Variants in RCN2 observed in about 807,000 individuals in gnomAD.
RCN2 encodes reticulocalbin 2, also known as reticulocalbin-2.
A neutral mutation model predicts 37.5 loss-of-function variants in RCN2; 23 were observed. The ratio of observed to expected loss-of-function variants is 0.61; its 90% confidence interval spans 0.44 to 0.87. The LOEUF is 0.87. Among genes scored for constraint, RCN2 ranks in the 40% least tolerant of loss-of-function variants. The pLI is 0.00. For synonymous variants in RCN2, 140 were observed against 144.6 expected, an observed-to-expected ratio of 0.97 and a Z score of 0.23; for missense variants, 381 against 390.4, an observed-to-expected ratio of 0.98 and a Z score of 0.20.
rs566502322 is a variant in RCN2, at chr15:76,939,230, A to G, written c.447+3508A>G. 2.3e-3 allele frequency among the ~76,000 whole-genome samples: 276 copies of G among 121,198 alleles called. 2 individuals carry two copies. Among genetic ancestry groups the G allele is most frequent in the Non-Finnish European group, 2.6e-3 (157 of 59,434 alleles). The allele number at this position is 121,198 out of a possible 152,430, so 79.5% of individuals were successfully genotyped here. On this transcript the variant is annotated intron_variant, in intron 3 of 6. Transcript: ENST00000394885. The stretch of plus-strand genomic sequence containing the variant: ...TGGGCAACAGAGAGACCTCATTTCT[A>G]AAAATAAATAAATAAATAAATAAAT...
chr15:76,953,595 T>TATA lies in RCN2; in HGVS notation c.*4373_*4374insATA, dbSNP rs1568463581. 3.2e-4 allele frequency: 7 copies of TATA among 22,006 alleles called. No individual in the cohort carries two copies. Among genetic ancestry groups the TATA allele is most frequent in the African/African-American group, 9.7e-4 (4 of 4,120 alleles). The allele number at this position is 22,006 out of a possible 1,614,324, so 1.4% of individuals were successfully genotyped here. A position where few individuals can be genotyped will look rare whatever the true frequency, so the allele number is the denominator to read the frequency against. On this transcript the variant is annotated 3_prime_UTR_variant, in exon 7 of 7. Coordinates refer to ENST00000394885, the MANE Select transcript of RCN2 (RefSeq NM_002902.3). ...TATATATATATATATATATATATATTTTTTTTTTTTTTTTTTTTTTTTTTT... is the reference window on the plus strand; with the variant it reads ...TATATATATATATATATATATATATTATATTTTTTTTTTTTTTTTTTTTTTTTT...
At position 76,948,569 on chromosome 15, in the gene RCN2, A is replaced by G. The variant is rs1286539998; in HGVS notation, c.801+17A>G. ...CAAGAGGAGGTAAGTGTTACAGAACAACTGTTTCTCTCCACCCCCTCCCCC... is the reference window on the plus strand; with the variant it reads ...CAAGAGGAGGTAAGTGTTACAGAACGACTGTTTCTCTCCACCCCCTCCCCC... On this transcript the variant is annotated intron_variant, in intron 6 of 6. Coordinates refer to ENST00000394885, the MANE Select transcript of RCN2 (RefSeq NM_002902.3). The G allele has an allele frequency of 6.6e-7, 1 of 1,522,428 alleles. No homozygotes were observed. The highest frequency in any genetic ancestry group is 8.9e-7 in the Non-Finnish European group (1 of 1,128,562). 94.3% of individuals were successfully genotyped at this position (1,522,428 alleles called of 1,614,324 possible).
At position 76,949,293 on chromosome 15, in the gene RCN2, A is replaced by T. The variant is rs1023161169; in HGVS notation, c.*71A>T. The T allele has an allele frequency of 1.8e-5, 19 of 1,076,146 alleles. No individual in the cohort carries two copies. Among genetic ancestry groups the T allele is most frequent in the Admixed American group, 2.8e-5 (1 of 36,106 alleles). The allele number at this position is 1,076,146 out of a possible 1,614,324, so 66.7% of individuals were successfully genotyped here. ...TTACCAGCTTTACTTTTGTGATAAA[A>T]TATTGATGTTGTATTTTACACTCTT... On this transcript the variant is annotated 3_prime_UTR_variant, in exon 7 of 7. Coordinates refer to ENST00000394885, the MANE Select transcript of RCN2 (RefSeq NM_002902.3).
At chr15:76,932,906 CATT>C (rs2075230781) in intron 2 of RCN2, among the ~76,000 whole-genome samples, 1 of 152,114 alleles carries the variant, frequency 6.6e-6, no homozygotes, top group African/African-American at 2.4e-5. Flanking sequence ...TTTATTATAA[CATT>C]ATACCAAAAT....
At chr15:76,936,257 GATTT>G (rs1001909121) in intron 3 of RCN2, among the ~76,000 whole-genome samples, 8 of 151,456 alleles carry the variant, frequency 5.3e-5, no homozygotes, top group Admixed American at 5.3e-4. Context: ...GTATAACAAT[GATTT>G]ATTTCTCATT....
chr15:76,943,579 T>C (rs914924027), intron 3 of RCN2, 179 bp from the exon 4 acceptor site: 8 of 472,606 alleles, frequency 1.7e-5, no homozygotes, highest in Non-Finnish European at 3.1e-5. Flanking sequence ...TATATGACTC[T>C]AGAGCTTGTG....
intron 4 of RCN2, among the ~76,000 whole-genome samples, chr15:76,945,658 A>G (rs73457182): frequency 0.01 from 1,540 of 152,318 alleles, 32 homozygotes; most frequent in African/African-American, 0.035. Flanking sequence ...GTTGCATGAC[A>G]TCAGCCTCCA....
intron 3 of RCN2, 129 bp downstream of exon 3, chr15:76,935,851 C>A: frequency 1.6e-6 from 1 of 617,786 alleles, no homozygotes; most frequent in East Asian, 3.1e-5. Context: ...TCACCTGTTC[C>A]ACTTCAGCAG....
intron 3 of RCN2, among the ~76,000 whole-genome samples, chr15:76,936,565 G>T (rs2075249930): frequency 6.6e-6 from 1 of 152,200 alleles, no homozygotes; most frequent in Non-Finnish European, 1.5e-5. Flanking sequence ...GCAGAGCTCA[G>T]ACGGTAATGC....
rs917534604 is a variant in RCN2 at position 76,952,525 on chromosome 15, T to C, written c.*3303T>C. On this transcript the variant is annotated 3_prime_UTR_variant, in exon 7 of 7. Coordinates refer to ENST00000394885, the MANE Select transcript of RCN2 (RefSeq NM_002902.3). Reference sequence around the variant, plus strand: ...GTCAAAATGTGAAACTATTACCACCTTCCATCTCCATGAACTTCATTTGTA... The same window carrying C: ...GTCAAAATGTGAAACTATTACCACCCTCCATCTCCATGAACTTCATTTGTA... The C allele has an allele frequency of 2.0e-5, 3 of 152,224 alleles. No homozygotes were observed. The highest frequency in any genetic ancestry group is 7.2e-5 in the African/African-American group (3 of 41,454). The allele number at this position is 152,224 out of a possible 1,614,324, so 9.4% of individuals were successfully genotyped here.
chr15:76,932,088 GGCGGCCTGACAATGGGGGCCGGGCGGC>G, intron 1 of RCN2, 103 bp downstream of exon 1: 1 of 1,156,312 alleles, frequency 8.6e-7, no homozygotes, highest in Non-Finnish European at 1.1e-6. Context: ...GCCTGGCAGG[GGCGGCCTGACAATGGGGGCCGGGCGGC>G]GCGGCACTCG....
At chr15:76,932,890 A>G (rs1226979562) in intron 2 of RCN2, among the ~76,000 whole-genome samples, 1 of 152,118 alleles carries the variant, frequency 6.6e-6, no homozygotes, top group Non-Finnish European at 1.5e-5. Context: ...TTGCCTGTGA[A>G]TTACGTTTAT....
chr15:76,935,330 A>C (rs1009599253), intron 2 of RCN2, among the ~76,000 whole-genome samples, 196 bp from the exon 3 acceptor site: 1 of 152,234 alleles, frequency 6.6e-6, no homozygotes, highest in Non-Finnish European at 1.5e-5. Flanking sequence ...ATCTCAAAAA[A>C]AAATAATTAA....
intron 3 of RCN2, chr15:76,941,619 T>C (rs982931917): frequency 5.6e-6 from 8 of 1,429,140 alleles, no homozygotes; most frequent in Non-Finnish European, 7.6e-6. Context: ...CTGACCATCT[T>C]TTTTGTTATT....
intron 3 of RCN2, among the ~76,000 whole-genome samples, chr15:76,940,201 GTA>G (rs776121910): frequency 1.8e-4 from 28 of 151,788 alleles, no homozygotes; most frequent in Non-Finnish European, 3.4e-4. Flanking sequence ...CTTCCTGTGT[GTA>G]TGTGTAGTCC....
rs2075318722 is a variant in RCN2, at chr15:76,951,085, G to A, written c.*1863G>A. 6.6e-6 allele frequency: 1 copy of A among 152,216 alleles called. No homozygotes were observed. Among genetic ancestry groups the A allele is most frequent in the Non-Finnish European group, 1.5e-5 (1 of 68,036 alleles). The allele number at this position is 152,216 out of a possible 1,614,324, so 9.4% of individuals were successfully genotyped here. ...CTGGCATATTTGAAATCACCAGTTT[G>A]ACTAGTTAACTATTTGTTTTTCTCT... On this transcript the variant is annotated 3_prime_UTR_variant, in exon 7 of 7. Transcript: ENST00000394885.
intron 3 of RCN2, among the ~76,000 whole-genome samples, chr15:76,941,235 C>T (rs1339837496): frequency 1.3e-5 from 2 of 152,090 alleles, no homozygotes; most frequent in Non-Finnish European, 2.9e-5. Flanking sequence ...CCATGTTGGC[C>T]AGGCTGGTCA....
intron 2 of RCN2, among the ~76,000 whole-genome samples, chr15:76,935,152 G>A (rs201564061): frequency 5.9e-5 from 9 of 152,070 alleles, no homozygotes; most frequent in Admixed American, 1.3e-4. Flanking sequence ...GTGAAACCCC[G>A]TCTCTACTAA....
rs2075244210 is a variant in RCN2 at position 76,935,676 on chromosome 15, A to G, written c.401A>G (p.Asp134Gly). The G allele has an allele frequency of 6.2e-7, 1 of 1,613,996 alleles. No homozygotes were observed. Among genetic ancestry groups the G allele is most frequent in the Non-Finnish European group, 8.5e-7 (1 of 1,179,994 alleles). Residue 134 changes from aspartate to glycine, a missense_variant, in exon 3 of 7, where the codon GAT becomes GGT. Transcript: ENST00000394885. ...IQMYDRVIDFDENTALDDAEE... is the reference protein window; with the variant it reads ...IQMYDRVIDFGENTALDDAEE... ...ATGTATGATCGTGTGATTGACTTTG[A>G]TGAGAACACTGCTCTGGATGATGCA...
Sources: gnomAD v4.1 joint callset for allele counts (sites outside exome capture counted in the v4.1 genomes callset) on GRCh38, gnomAD v4.1.1 for gene constraint, MANE v1.5 for transcripts, NCBI Gene and HGNC (gene_info 2026-07-23, HGNC 2026-07-21) for gene names.